The following VRK2 variants were observed in gnomAD, a reference collection of about 807,000 sequenced individuals.
VRK2 encodes the protein serine/threonine-protein kinase VRK2.
VRK2 carries 60 observed loss-of-function variants against 57.6 expected under a neutral mutation model. That is an observed-to-expected ratio of 1.04 (90% CI 0.85 to 1.29). The LOEUF (loss-of-function observed/expected upper bound fraction) is 1.29, where lower values mean the gene tolerates loss of function less well. VRK2 is among the 50% of genes most tolerant of loss of function. The probability of loss-of-function intolerance (pLI) is 0.00; values close to 1 mark genes in which losing one functional copy is unlikely to be tolerated. For missense variants in VRK2, 705 were observed against 588.1 expected (o/e 1.20, Z -2.06); for synonymous variants, 231 against 199.2 (o/e 1.16, Z -1.35).
chr2:58,106,147 A>C (rs140984103), intron 7 of VRK2, among the ~76,000 whole-genome samples: 56 of 152,022 alleles, frequency 3.7e-4, no homozygotes, highest in Non-Finnish European at 5.9e-4. Context: ...TCTTGATTAG[A>C]TTGGAAATTG....
chr2:58,047,602 G>C (rs2103759153), intron 1 of VRK2: 2 of 341,314 alleles, frequency 5.9e-6, no homozygotes, highest in Admixed American at 6.5e-5. Flanking sequence ...GAGACTTTAA[G>C]TTTTAAATCA....
chr2:58,025,384 CCTT>C (rs1368590247), intron 1 of VRK2, among the ~76,000 whole-genome samples: 3 of 152,076 alleles, frequency 2.0e-5, no homozygotes, highest in South Asian at 4.2e-4. Context: ...AAAGTCGTTT[CCTT>C]CTTCTTTTTG....
intron 1 of VRK2, among the ~76,000 whole-genome samples, chr2:57,945,913 G>T (rs1671248553): frequency 6.6e-6 from 1 of 152,148 alleles, no homozygotes; most frequent in African/African-American, 2.4e-5. Context: ...TTATTATAAT[G>T]AATGATTTAA....
At chr2:58,016,893 T>C (rs1673600818) in intron 1 of VRK2, among the ~76,000 whole-genome samples, 1 of 152,188 alleles carries the variant, frequency 6.6e-6, no homozygotes, top group South Asian at 2.1e-4. Flanking sequence ...ATACTTTCAT[T>C]TGACTGGCGA....
rs554187981 is a variant in VRK2 at position 58,038,632 on chromosome 2, G to A, written c.-6+5079G>A. 2.6e-5 allele frequency among the ~76,000 whole-genome samples: 4 copies of A among 152,094 alleles called. 1 individual carries two copies. Among genetic ancestry groups the A allele is most frequent in the African/African-American group, 9.6e-5 (4 of 41,462 alleles). On this transcript the variant is annotated intron_variant, in intron 3 of 15. Transcript: ENST00000417641. ...ACCAGTCTCTGTTCCATAGTTTACT[G>A]CCCCTAGGAGCCCTCATTTCTTTTG... is the stretch of plus-strand genomic sequence containing the variant.
At chr2:58,070,402 A>G (rs1669218190) in intron 2 of VRK2, among the ~76,000 whole-genome samples, 1 of 152,082 alleles carries the variant, frequency 6.6e-6, no homozygotes, top group Non-Finnish European at 1.5e-5. Context: ...TCATGTGTCC[A>G]CCATTACAGT....
intron 1 of VRK2, among the ~76,000 whole-genome samples, chr2:57,928,189 C>CCTT (rs1367921338): frequency 6.6e-6 from 1 of 152,066 alleles, no homozygotes; most frequent in Non-Finnish European, 1.5e-5. Flanking sequence ...ATCTGGCAAA[C>CCTT]CTTGTAAATA....
At chr2:57,959,144 A>G (rs1671677942) in intron 1 of VRK2, among the ~76,000 whole-genome samples, 1 of 152,206 alleles carries the variant, frequency 6.6e-6, no homozygotes, top group Non-Finnish European at 1.5e-5. Flanking sequence ...AGTTTCTGAA[A>G]TGCAGAAAGT....
intron 1 of VRK2, among the ~76,000 whole-genome samples, chr2:57,969,457 A>G (rs763619169): frequency 2.6e-5 from 4 of 152,050 alleles, no homozygotes; most frequent in Admixed American, 6.6e-5. Flanking sequence ...TTTAATTTAA[A>G]AAAATAACAA....
intron 9 of VRK2, 43 bp from the exon 10 acceptor site, chr2:58,135,098 G>T: frequency 6.2e-7 from 1 of 1,601,334 alleles, no homozygotes; most frequent in South Asian, 1.1e-5. Flanking sequence ...ATAATCACAG[G>T]GTTGAAAACA....
chr2:57,963,696 C>G (rs748586247), intron 1 of VRK2, among the ~76,000 whole-genome samples: 1 of 152,218 alleles, frequency 6.6e-6, no homozygotes, highest in Non-Finnish European at 1.5e-5. Context: ...GTAACAGTGT[C>G]TTCAAAGTAT....
At chr2:58,151,329 A>G (rs1393908475) in intron 12 of VRK2, among the ~76,000 whole-genome samples, 4 of 151,750 alleles carry the variant, frequency 2.6e-5, no homozygotes, top group Admixed American at 1.3e-4. Context: ...ATTCTGAAAT[A>G]TCTTTCTTTA....
At chr2:58,099,225 A>T (rs531101087) in intron 7 of VRK2, among the ~76,000 whole-genome samples, 21 of 152,208 alleles carry the variant, frequency 1.4e-4, no homozygotes, top group African/African-American at 4.8e-4. Flanking sequence ...GCAGATGCTC[A>T]CATCTGGAAA....
At chr2:57,916,699 G>A (rs922621361) in intron 1 of VRK2, among the ~76,000 whole-genome samples, 1 of 152,114 alleles carries the variant, frequency 6.6e-6, no homozygotes, top group African/African-American at 2.4e-5. Context: ...TGCCCAAAGT[G>A]ATGCAGCTCA....
chr2:57,912,861 A>G (rs979735418), intron 1 of VRK2, among the ~76,000 whole-genome samples: 1 of 152,158 alleles, frequency 6.6e-6, no homozygotes, highest in Non-Finnish European at 1.5e-5. Flanking sequence ...ATGTGACGGT[A>G]TTAGAAGGTG....
chr2:57,944,563 C>T (rs1671199135), intron 1 of VRK2, among the ~76,000 whole-genome samples: 1 of 152,120 alleles, frequency 6.6e-6, no homozygotes, highest in Non-Finnish European at 1.5e-5. Flanking sequence ...GGTGAAACCC[C>T]GTCTCTACTA....
chr2:58,088,742 C>T (rs1006765297), intron 6 of VRK2, among the ~76,000 whole-genome samples: 1 of 152,142 alleles, frequency 6.6e-6, no homozygotes, highest in African/African-American at 2.4e-5. Flanking sequence ...TAAGAATAAC[C>T]TTTCTTTTGT....
chr2:58,159,912 CTTCTGAAGTTTCAGATCACCTA>C (rs1684849245), downstream of VRK2: 1 of 1,543,956 alleles, frequency 6.5e-7, no homozygotes, highest in Admixed American at 2.1e-5. Context: ...TTGGAAAACA[CTTCTGAAGTTTCAGATCACCTA>C]GGAAATCTAG....
intron 1 of VRK2, among the ~76,000 whole-genome samples, chr2:57,999,953 G>C (rs1178193802): frequency 6.6e-6 from 1 of 152,032 alleles, no homozygotes; most frequent in Non-Finnish European, 1.5e-5. Flanking sequence ...AGACCAGCCT[G>C]AGCCATATAA....
Sources: allele counts gnomAD v4.1 joint callset (sites outside exome capture counted in the v4.1 genomes callset), GRCh38; gene constraint gnomAD v4.1.1; transcripts MANE v1.5; gene names NCBI Gene and HGNC (gene_info 2026-07-23, HGNC 2026-07-21).